The following ABCA8 variants were observed in gnomAD, a reference collection of about 807,000 sequenced individuals.
The protein encoded by ABCA8 is ABC-type organic anion transporter ABCA8.
In ABCA8, 177 loss-of-function variants were observed where a neutral mutation model predicts 192.3. The ratio of observed to expected loss-of-function variants is 0.92; its 90% CI spans 0.81 to 1.04. ABCA8 has a LOEUF of 1.04. Among genes scored for constraint, ABCA8 ranks in the 50% least tolerant of loss-of-function variants. The pLI is 0.00. For missense variants in ABCA8, 1,915 were observed against 1,904.8 expected (o/e 1.01, Z -0.10); for synonymous variants, 642 against 690.2 (o/e 0.93, Z 1.09).
At chr17:68,949,883 C>T (rs984051123) in intron 1 of ABCA8, among the ~76,000 whole-genome samples, 2 of 152,148 alleles carry the variant, frequency 1.3e-5, no homozygotes, top group Non-Finnish European at 2.9e-5. Flanking sequence ...AAAACTGGCA[C>T]AAGGCAAGGA....
chr17:68,869,597 T>C (rs2065995885), intron 38 of ABCA8, 103 bp downstream of exon 38: 2 of 832,610 alleles, frequency 2.4e-6, no homozygotes, highest in Admixed American at 2.0e-5. Context: ...AACTTTAAAA[T>C]GTAATGCATT....
At chr17:68,878,470 ATG>A (rs1381249049) in intron 32 of ABCA8, 1 of 152,208 alleles carries the variant, frequency 6.6e-6, no homozygotes, top group Admixed American at 6.5e-5. Flanking sequence ...ACAAGCAGGG[ATG>A]TGTCCTTCCA....
intron 23 of ABCA8, among the ~76,000 whole-genome samples, chr17:68,892,806 A>T (rs1326804611): frequency 6.6e-6 from 1 of 152,144 alleles, no homozygotes; most frequent in Non-Finnish European, 1.5e-5. Flanking sequence ...GTACAGTGAG[A>T]TATGGTGTGA....
Position 68,882,685 on chromosome 17 carries a change from GA to G in ABCA8, c.3741del (p.Pro1248GlnfsTer16), listed in dbSNP as rs780759103. On this transcript the variant is annotated frameshift_variant, in exon 30 of 40. Transcript: ENST00000586539. LOFTEE classifies it high-confidence loss of function. ...TCATCCTCTCCTTCTGGTTCTTCTG[GA>G]TTTTGACACACATCACTACTTCTTG... ...ISPRSSDVCQNPEEPEGEDED... is the reference protein window; with the variant it reads ...ISPRSSDVCQXPEEPEGEDED... 13 of 1,612,146 alleles carry G rather than the reference GA, an allele frequency of 8.1e-6. No homozygotes were observed. In the African/African-American group the frequency reaches 1.7e-4, roughly 22 times the overall value.
chr17:68,911,409 G>A lies in ABCA8; in HGVS notation c.2139-3530C>T, dbSNP rs1331890081. Among the ~76,000 whole-genome samples, 1 of 152,158 alleles carries A rather than the reference G, an allele frequency of 6.6e-6. No individual in the cohort carries two copies. Among genetic ancestry groups the A allele is most frequent in the Non-Finnish European group, 1.5e-5 (1 of 68,008 alleles). ...GTCTTCTGGTTTGGGTGTCAGCTCA[G>A]CTGCAGCAGAATACAGTGCCATGTA... On this transcript the variant is annotated intron_variant, in intron 17 of 39. Coordinates refer to ENST00000586539, the MANE Select transcript of ABCA8 (RefSeq NM_001288985.2). The surrounding 1 kb of genome is among the most constrained non-coding windows in gnomAD (Gnocchi z 5.7).
At chr17:68,919,684 C>T in intron 13 of ABCA8, 1 of 477,526 alleles carries the variant, frequency 2.1e-6, no homozygotes, top group South Asian at 3.4e-5. Context: ...CTGCCCCTCA[C>T]ATTTAGCTTT....
At chr17:68,919,277 A>G (rs1202556964) in intron 14 of ABCA8, 24 bp downstream of exon 14, 2 of 1,576,324 alleles carry the variant, frequency 1.3e-6, no homozygotes, top group African/African-American at 1.4e-5. Flanking sequence ...TGACCAACAC[A>G]TTAACTTTAA....
intron 39 of ABCA8, 31 bp downstream of exon 39, chr17:68,868,270 T>C (rs2065965114): frequency 6.2e-7 from 1 of 1,610,436 alleles, no homozygotes; most frequent in African/African-American, 1.3e-5. Flanking sequence ...ACATATACCA[T>C]GGATGATACG....
intron 18 of ABCA8, 101 bp downstream of exon 18, chr17:68,907,639 C>T (rs899896126): frequency 9.5e-7 from 1 of 1,050,994 alleles, no homozygotes; most frequent in Non-Finnish European, 1.3e-6. Flanking sequence ...AGTACCTGAG[C>T]ATACTGTAAG....
intron 12 of ABCA8, 75 bp downstream of exon 12, chr17:68,922,167 T>C (rs2067549637): frequency 2.1e-6 from 2 of 934,506 alleles, no homozygotes; most frequent in Non-Finnish European, 2.8e-6. Flanking sequence ...TCAATACTAA[T>C]ATAACAAATA....
At chr17:68,877,425 G>T in intron 33 of ABCA8, 94 bp downstream of exon 33, 1 of 1,223,582 alleles carries the variant, frequency 8.2e-7, no homozygotes, top group Non-Finnish European at 1.1e-6. Context: ...TCAGCATTTA[G>T]AGTCTCCCAT....
At chr17:68,887,622 T>A in intron 24 of ABCA8, 116 bp from the exon 25 acceptor site, 1 of 858,140 alleles carries the variant, frequency 1.2e-6, no homozygotes, top group Non-Finnish European at 1.8e-6. Flanking sequence ...TCTACAAATG[T>A]AATCTGGACT....
chr17:68,884,013 T>C (rs953722572), intron 28 of ABCA8, 131 bp from the exon 29 acceptor site: 3 of 650,620 alleles, frequency 4.6e-6, no homozygotes, highest in African/African-American at 1.9e-5. Context: ...TAATAACCTA[T>C]CCAGCAAATT....
At chr17:68,952,153 A>G (rs1011498587) in intron 1 of ABCA8, among the ~76,000 whole-genome samples, 1 of 152,202 alleles carries the variant, frequency 6.6e-6, no homozygotes, top group Admixed American at 6.5e-5. Context: ...TTCTCTTTTT[A>G]CAAACAAATG....
At chr17:68,929,914 A>G (rs1490120111) in intron 7 of ABCA8, among the ~76,000 whole-genome samples, 1 of 118,776 alleles carries the variant, frequency 8.4e-6, no homozygotes. Context: ...GGAATTAGGA[A>G]TTGTTTTTCC....
chr17:68,939,718 G>T (rs973304003), intron 4 of ABCA8, among the ~76,000 whole-genome samples: 4 of 151,988 alleles, frequency 2.6e-5, no homozygotes, highest in African/African-American at 9.7e-5. Context: ...TTAATACTCT[G>T]CTCTTTTAAG....
chr17:68,947,060 GC>G (rs1358013958), intron 2 of ABCA8, among the ~76,000 whole-genome samples: 7 of 152,072 alleles, frequency 4.6e-5, no homozygotes, highest in Non-Finnish European at 1.0e-4. Context: ...ATTTATATTA[GC>G]TACTTATACT....
intron 24 of ABCA8, among the ~76,000 whole-genome samples, chr17:68,888,606 T>C (rs965884996): frequency 5.3e-5 from 8 of 152,128 alleles, no homozygotes; most frequent in African/African-American, 1.2e-4. Context: ...ACTGAGCATG[T>C]GGTGCTGCTA....
At chr17:68,918,930 C>CAA (rs34377045) in intron 14 of ABCA8, among the ~76,000 whole-genome samples, 3,221 of 45,072 alleles carry the variant, frequency 0.071, 420 homozygotes, top group African/African-American at 0.22. Flanking sequence ...AACTCTGTCT[C>CAA]AAAAAAAAAA....
Sources: gnomAD v4.1 joint callset for allele counts (sites outside exome capture counted in the v4.1 genomes callset) on GRCh38, gnomAD v4.1.1 for gene constraint, Gnocchi (gnomAD v3.1) non-coding constraint, MANE v1.5 for transcripts, NCBI Gene and HGNC (gene_info 2026-07-23, HGNC 2026-07-21) for gene names.